Variants in ZIC4 observed in about 807,000 individuals in gnomAD.
The protein encoded by ZIC4 is Zic family zinc finger 4.
ZIC4 carries 15 observed loss-of-function variants against 28.8 expected under a neutral mutation model. That is an observed-to-expected ratio of 0.52 (90% CI 0.35 to 0.80). The LOEUF (loss-of-function observed/expected upper bound fraction) is 0.80, where lower values mean the gene tolerates loss of function less well. Ranked by LOEUF, ZIC4 falls within the 30% of genes least tolerant of loss-of-function variation. The probability of loss-of-function intolerance (pLI) is 0.01; values close to 1 mark genes in which losing one functional copy is unlikely to be tolerated. For synonymous variants in ZIC4, 220 were observed against 198.1 expected (o/e 1.11, Z -0.93); for missense variants, 512 against 467.1 (o/e 1.10, Z -0.89).
intron 1 of ZIC4, chr3:147,405,699 C>T: frequency 1.7e-6 from 1 of 579,592 alleles, no homozygotes; most frequent in Non-Finnish European, 3.1e-6. Context: ...GCGCAGAGAG[C>T]AGATCCCAGC....
chr3:147,405,706 C>T (rs1307598411), intron 1 of ZIC4: 7 of 573,412 alleles, frequency 1.2e-5, no homozygotes, highest in African/African-American at 1.1e-4. Context: ...GAGCAGATCC[C>T]AGCAGTCAGC....
In ZIC4 at chr3:147,388,809, G is replaced by A. The variant is rs754174682; in HGVS notation, c.*50C>T. The A allele has an allele frequency of 5.2e-6, 4 of 771,268 alleles. No homozygotes were observed. The highest frequency in any genetic ancestry group is 2.8e-5 in the South Asian group (2 of 72,328). The allele number at this position is 771,268 out of a possible 1,614,324, so 47.8% of individuals were successfully genotyped here. On this transcript the variant is annotated 3_prime_UTR_variant, in exon 5 of 5. Transcript: ENST00000383075. Reference sequence around the variant, plus strand: ...TTGATGTAGCAGGCGCGAGATGCGGGGCGCTCAGCTGCGCGGAGCGAGATT... The same window carrying A: ...TTGATGTAGCAGGCGCGAGATGCGGAGCGCTCAGCTGCGCGGAGCGAGATT...
At chr3:147,398,957 T>G (rs1481064466) in intron 2 of ZIC4, among the ~76,000 whole-genome samples, 1 of 152,072 alleles carries the variant, frequency 6.6e-6, no homozygotes, top group Non-Finnish European at 1.5e-5. Flanking sequence ...AATGCATTGT[T>G]CCTCCCTTGG....
At chr3:147,394,911 TAGG>T (rs1468897575) in intron 3 of ZIC4, among the ~76,000 whole-genome samples, 12 of 152,150 alleles carry the variant, frequency 7.9e-5, no homozygotes. Flanking sequence ...CACCGGGCAG[TAGG>T]AGAAGTGGGG....
chr3:147,393,819 C>G, intron 3 of ZIC4: 1 of 453,330 alleles, frequency 2.2e-6, no homozygotes, highest in Non-Finnish European at 4.4e-6. Context: ...GTGGCCAGGC[C>G]GAGCGCGGTT....
chr3:147,400,664 TC>T (rs2087146823), intron 2 of ZIC4, among the ~76,000 whole-genome samples: 8 of 152,326 alleles, frequency 5.3e-5, no homozygotes, highest in African/African-American at 1.9e-4. Context: ...TACATAAGGA[TC>T]TTCAAGGTAT....
intron 3 of ZIC4, among the ~76,000 whole-genome samples, chr3:147,394,117 C>T (rs1332313980): frequency 3.1e-4 from 45 of 145,214 alleles, no homozygotes; most frequent in African/African-American, 9.9e-4. Flanking sequence ...ATTTTTTTTC[C>T]CTCTCTCTCT....
At position 147,403,950 on chromosome 3, in the gene ZIC4, G is replaced by C. The variant is rs1046688034; in HGVS notation, c.-15-1138C>G. On this transcript the variant is annotated intron_variant, in intron 1 of 4. Transcript: ENST00000383075. ...TTCTAGGTCCAGGCCTAGGAGGCAG[G>C]GGGGTAGACTCACCTTTTCCCAGAG... The C allele has an allele frequency of 5.2e-6, 8 of 1,535,318 alleles. No individual in the cohort carries two copies. In the South Asian group the frequency reaches 7.2e-5, roughly 14 times the overall value.
At chr3:147,405,412 C>G in intron 1 of ZIC4, 1 of 1,537,142 alleles carries the variant, frequency 6.5e-7, no homozygotes, top group Non-Finnish European at 8.7e-7. Flanking sequence ...CGGTGACGGC[C>G]GAAGTGCAAC....
At position 147,388,997 on chromosome 3, in the gene ZIC4, G is replaced by C. The variant is rs1041929628; in HGVS notation, c.*-138C>G. ...GACAAAGAAAAAAGTCCTACTTCAG[G>C]AAGGGGGACTTTTTAAACATTGGCA... On this transcript the variant is annotated intron_variant, in intron 4 of 4. Coordinates refer to ENST00000383075, the MANE Select transcript of ZIC4 (RefSeq NM_032153.6). 4.6e-6 allele frequency: 3 copies of C among 652,428 alleles called. No individual in the cohort carries two copies. In the African/African-American group the frequency reaches 5.5e-5, roughly 12 times the overall value. 40.4% of individuals were successfully genotyped at this position (652,428 alleles called of 1,614,324 possible).
In ZIC4 at chr3:147,391,110, G is replaced by A. The variant is rs754672155; in HGVS notation, c.825C>T (p.Tyr275=). 6 of 1,614,166 alleles carry A rather than the reference G, an allele frequency of 3.7e-6. No individual in the cohort carries two copies. The highest frequency in any genetic ancestry group is 5.1e-6 in the Non-Finnish European group (6 of 1,180,022). ...TCKVRGCDKC[Y]THPSSLRKHM... ...GCTTACGCAGCGAGCTGGGGTGCGT[G>A]TAGCACTTGTCGCAGCCCCGCACCT... The change falls in exon 4 of 5, where the codon TAC becomes TAT. Residue 275 remains tyrosine (Y), a synonymous_variant. Transcript: ENST00000383075.
chr3:147,396,159 C>T lies in ZIC4; in HGVS notation c.381G>A (p.Glu127=), dbSNP rs1260554140. 1.2e-6 allele frequency: 2 copies of T among 1,614,052 alleles called. No homozygotes were observed. The highest frequency in any genetic ancestry group is 1.7e-6 in the Non-Finnish European group (2 of 1,180,044). The change falls in exon 3 of 5, where the codon GAG becomes GAA. Residue 127 remains glutamate, a synonymous_variant. Coordinates refer to ENST00000383075, the MANE Select transcript of ZIC4 (RefSeq NM_032153.6). This position sits in a 1 kb window ranked among gnomAD's most constrained non-coding sequence, Gnocchi z 4.2. ...FRYMRQPIKQ[E]LICKWLAADG... Reference sequence around the variant, plus strand: ...CGGCCGCCAGCCACTTGCAGATGAGCTCCTGTTTGATGGGCTGGCGCATGT... The same window carrying T: ...CGGCCGCCAGCCACTTGCAGATGAGTTCCTGTTTGATGGGCTGGCGCATGT...
chr3:147,393,561 G>A, intron 3 of ZIC4: 1 of 265,960 alleles, frequency 3.8e-6, no homozygotes, highest in Non-Finnish European at 7.5e-6. Context: ...AGGCCCAGCA[G>A]TCCTGAAAGG....
chr3:147,391,274 T>A, intron 3 of ZIC4, 28 bp from the exon 4 acceptor site: 1 of 1,547,168 alleles, frequency 6.5e-7, no homozygotes. Flanking sequence ...GAGACATTAG[T>A]GCTTGTGGGT....
chr3:147,398,515 G>T (rs2107978273), intron 2 of ZIC4, among the ~76,000 whole-genome samples: 1 of 149,760 alleles, frequency 6.7e-6, no homozygotes, highest in East Asian at 2.0e-4. Flanking sequence ...AGGGTCGGGG[G>T]TTGGGGGGCT....
At chr3:147,393,579 T>G (rs905197662) in intron 3 of ZIC4, 2 of 277,358 alleles carry the variant, frequency 7.2e-6, no homozygotes, top group African/African-American at 4.6e-5. Flanking sequence ...AGGCCTCCTC[T>G]CCGACCCTGA....
intron 1 of ZIC4, chr3:147,403,854 C>G (rs1166379788): frequency 1.1e-5 from 12 of 1,062,756 alleles, no homozygotes; most frequent in South Asian, 1.7e-5. Flanking sequence ...CTCTCTCTCT[C>G]TCTCTCCCCC....
At chr3:147,405,705 C>A (rs933714705) in intron 1 of ZIC4, 3 of 576,626 alleles carry the variant, frequency 5.2e-6, no homozygotes, top group African/African-American at 3.8e-5. Context: ...AGAGCAGATC[C>A]CAGCAGTCAG....
intron 3 of ZIC4, chr3:147,393,790 G>T (rs998088192): frequency 2.3e-6 from 1 of 440,116 alleles, no homozygotes. Flanking sequence ...AGGGGTCCCT[G>T]GAGAGGAGCT....
Sources: allele counts gnomAD v4.1 joint callset (sites outside exome capture counted in the v4.1 genomes callset), GRCh38; gene constraint gnomAD v4.1.1; non-coding constraint Gnocchi (gnomAD v3.1); transcripts MANE v1.5; gene names NCBI Gene and HGNC (gene_info 2026-07-23, HGNC 2026-07-21).